Variants in DERA observed in about 807,000 individuals in gnomAD.
The protein encoded by DERA is 2-deoxy-D-ribose 5-phosphate aldolase.
A neutral mutation model predicts 41.1 loss-of-function variants in DERA; 15 were observed. The ratio of observed to expected loss-of-function variants is 0.37; its 90% CI spans 0.24 to 0.56. The LOEUF is 0.56. DERA is among the 20% of genes least tolerant of loss of function. DERA has a pLI of 0.81. For missense variants in DERA, 396 were observed against 403.4 expected (o/e 0.98, Z 0.16); for synonymous variants, 139 against 137.4 (o/e 1.01, Z -0.08).
intron 1 of DERA, among the ~76,000 whole-genome samples, chr12:15,948,324 T>G (rs1325744411): frequency 2.6e-5 from 4 of 152,226 alleles, no homozygotes; most frequent in Non-Finnish European, 4.4e-5. Flanking sequence ...ATTCTCCCCA[T>G]CACTTTCAGG....
rs763100535 is a variant in DERA at position 16,012,018 on chromosome 12, A to G, written c.638-20524A>G. Among the ~76,000 whole-genome samples, 2 of 152,236 alleles carry G rather than the reference A, an allele frequency of 1.3e-5. No homozygotes were observed. The highest frequency in any genetic ancestry group is 6.5e-5 in the Admixed American group (1 of 15,288). Reference sequence around the variant, plus strand: ...GCAATCAAACCAAGAAAAAACACATAAAACATGCATAACTAAGTCAGTGTT... The same window carrying G: ...GCAATCAAACCAAGAAAAAACACATGAAACATGCATAACTAAGTCAGTGTT... On this transcript the variant is annotated intron_variant, in intron 6 of 8. Coordinates refer to ENST00000428559, the MANE Select transcript of DERA (RefSeq NM_015954.4). This position sits in a 1 kb window ranked among gnomAD's most constrained non-coding sequence, Gnocchi z 4.1.
chr12:16,001,763 C>T lies in DERA; in HGVS notation c.637+19327C>T, dbSNP rs983027358. 1.3e-5 allele frequency among the ~76,000 whole-genome samples: 2 copies of T among 152,144 alleles called. No homozygotes were observed. The highest frequency in any genetic ancestry group is 3.9e-4 in the East Asian group (2 of 5,190). ...GTCATGAGTTAGGAGAACACTAAGA[C>T]CGAATGCTCTGTCTCCTGCTTCCCT... On this transcript the variant is annotated intron_variant, in intron 6 of 8. Transcript: ENST00000428559. This position sits in a 1 kb window ranked among gnomAD's most constrained non-coding sequence, Gnocchi z 4.1.
At chr12:16,005,631 T>C (rs1292403023) in intron 6 of DERA, among the ~76,000 whole-genome samples, 1 of 152,168 alleles carries the variant, frequency 6.6e-6, no homozygotes, top group Non-Finnish European at 1.5e-5. Context: ...TGCATGAATA[T>C]ACCCCTGCAA....
At chr12:15,969,959 T>C (rs997408802) in intron 5 of DERA, among the ~76,000 whole-genome samples, 10 of 152,240 alleles carry the variant, frequency 6.6e-5, no homozygotes, top group African/African-American at 2.4e-4. Flanking sequence ...GCTTTTATGA[T>C]TTTCATTTTT....
chr12:16,025,503 T>G (rs1592056296), intron 6 of DERA, among the ~76,000 whole-genome samples: 1 of 152,026 alleles, frequency 6.6e-6, no homozygotes, highest in Admixed American at 6.5e-5. Flanking sequence ...AAGGAAGACA[T>G]AACAATCCTA....
chr12:16,020,605 T>C lies in DERA; in HGVS notation c.638-11937T>C, dbSNP rs1483510811. ...GCTTTGGAACTGGGTAATGGAGAGG[T>C]TGGAAGAGTTTGGAGGGCCCAGAAA... On this transcript the variant is annotated intron_variant, in intron 6 of 8. Coordinates refer to ENST00000428559, the MANE Select transcript of DERA (RefSeq NM_015954.4). The surrounding 1 kb of genome is among the most constrained non-coding windows in gnomAD (Gnocchi z 5.5). 1.3e-5 allele frequency among the ~76,000 whole-genome samples: 2 copies of C among 151,698 alleles called. No homozygotes were observed. The highest frequency in any genetic ancestry group is 2.4e-5 in the African/African-American group (1 of 41,260).
chr12:15,952,422 A>C (rs902608207), intron 1 of DERA, among the ~76,000 whole-genome samples: 4 of 151,932 alleles, frequency 2.6e-5, no homozygotes, highest in African/African-American at 9.7e-5. Context: ...CTGTTTGGAG[A>C]TCTTCTCTGA....
rs140552285 is a variant in DERA, at chr12:15,982,128, G to A, written c.509-180G>A. ...CATGGTAGCAAACTAAGCATTCCTT[G>A]TAACAGGATGTGAACTGCAACAGAA... On this transcript the variant is annotated intron_variant, in intron 5 of 8. Coordinates refer to ENST00000428559, the MANE Select transcript of DERA (RefSeq NM_015954.4). This position sits in a 1 kb window ranked among gnomAD's most constrained non-coding sequence, Gnocchi z 4.0. Among the ~76,000 whole-genome samples the A allele has an allele frequency of 2.6e-3, 400 of 152,320 alleles. 4 individuals are homozygous for A. Among genetic ancestry groups the A allele is most frequent in the African/African-American group, 9.2e-3 (383 of 41,572 alleles).
Position 15,966,153 on chromosome 12 carries a change from C to T in DERA, c.508+3206C>T, listed in dbSNP as rs1370826944. ...ATCCCAGCACTTTGGGAGGCTGAAA[C>T]AGGCACTTTGGGAGGCCTCATCACC... is the stretch of plus-strand genomic sequence containing the variant. On this transcript the variant is annotated intron_variant, in intron 5 of 8. Coordinates refer to ENST00000428559, the MANE Select transcript of DERA (RefSeq NM_015954.4). The surrounding 1 kb of genome is among the most constrained non-coding windows in gnomAD (Gnocchi z 5.1). Among the ~76,000 whole-genome samples the T allele has an allele frequency of 3.3e-5, 5 of 152,082 alleles. No individual in the cohort carries two copies. Among genetic ancestry groups the T allele is most frequent in the African/African-American group, 1.2e-4 (5 of 41,400 alleles).
intron 6 of DERA, among the ~76,000 whole-genome samples, chr12:16,016,476 C>T (rs749168950): frequency 1.5e-4 from 23 of 151,876 alleles, no homozygotes; most frequent in Non-Finnish European, 2.8e-4. Context: ...TTTCCAAATG[C>T]GTTAAAACCC....
chr12:16,036,154 C>A lies in DERA; in HGVS notation c.751-78C>A. The A allele has an allele frequency of 8.0e-7, 1 of 1,247,416 alleles. No homozygotes were observed. The highest frequency in any genetic ancestry group is 1.0e-6 in the Non-Finnish European group (1 of 963,112). The allele number at this position is 1,247,416 out of a possible 1,614,324, so 77.3% of individuals were successfully genotyped here. On this transcript the variant is annotated intron_variant, in intron 7 of 8. Transcript: ENST00000428559. The surrounding 1 kb of genome is among the most constrained non-coding windows in gnomAD (Gnocchi z 4.9). The stretch of plus-strand genomic sequence containing the variant: ...AAAAGAGGGAGAGAGAGAATCAAGA[C>A]TCTGATAAACATAGTACTATTTTTA...
At chr12:15,917,407 A>C (rs890657836) in intron 1 of DERA, among the ~76,000 whole-genome samples, 8 of 152,180 alleles carry the variant, frequency 5.3e-5, no homozygotes, top group African/African-American at 1.7e-4. Context: ...TGTGGGTTTT[A>C]TGTCTGAATC....
rs1229659159 is a variant in DERA at position 15,918,552 on chromosome 12, T to A, written c.31+7138T>A. Among the ~76,000 whole-genome samples, 1 of 152,232 alleles carries A rather than the reference T, an allele frequency of 6.6e-6. No homozygotes were observed. The highest frequency in any genetic ancestry group is 1.5e-5 in the Non-Finnish European group (1 of 68,040). On this transcript the variant is annotated intron_variant, in intron 1 of 8. Coordinates refer to ENST00000428559, the MANE Select transcript of DERA (RefSeq NM_015954.4). The surrounding 1 kb of genome is among the most constrained non-coding windows in gnomAD (Gnocchi z 4.3). ...GAAGGGGAAGGGGGCCAGAATAATT[T>A]GTTTTTTTTAATTTTTAAAATGTAA... is the stretch of plus-strand genomic sequence containing the variant.
At chr12:15,937,517 A>G (rs778204956) in intron 1 of DERA, among the ~76,000 whole-genome samples, 1 of 152,254 alleles carries the variant, frequency 6.6e-6, no homozygotes, top group Non-Finnish European at 1.5e-5. Context: ...CTCCAATACC[A>G]TGTGAATGTC....
chr12:15,944,921 G>A (rs1409205698), intron 1 of DERA, among the ~76,000 whole-genome samples: 2 of 152,176 alleles, frequency 1.3e-5, no homozygotes, highest in African/African-American at 2.4e-5. Context: ...GTGTAAGGAA[G>A]GGATCCAGTT....
At chr12:16,018,481 G>T (rs930470527) in intron 6 of DERA, among the ~76,000 whole-genome samples, 1 of 152,142 alleles carries the variant, frequency 6.6e-6, no homozygotes, top group African/African-American at 2.4e-5. Flanking sequence ...GTAATGAGTT[G>T]CTGAATAGTC....
chr12:15,969,948 T>C (rs900261179), intron 5 of DERA, among the ~76,000 whole-genome samples: 2 of 152,232 alleles, frequency 1.3e-5, no homozygotes, highest in Admixed American at 1.3e-4. Context: ...GACAACTGTA[T>C]GCTTTTATGA....
rs1309257113 is a variant in DERA at position 15,976,126 on chromosome 12, C to T, written c.509-6182C>T. On this transcript the variant is annotated intron_variant, in intron 5 of 8. Transcript: ENST00000428559. The surrounding 1 kb of genome is among the most constrained non-coding windows in gnomAD (Gnocchi z 4.1). ...CAACTTCACACTATAACCTCTATTA[C>T]ACTCCAGCATTGCATGGTTTATTCT... 2.6e-5 allele frequency among the ~76,000 whole-genome samples: 4 copies of T among 152,204 alleles called. No homozygotes were observed. The highest frequency in any genetic ancestry group is 9.7e-5 in the African/African-American group (4 of 41,440).
intron 6 of DERA, among the ~76,000 whole-genome samples, chr12:16,031,700 T>G (rs1471370607): frequency 6.6e-6 from 1 of 152,166 alleles, no homozygotes; most frequent in Non-Finnish European, 1.5e-5. Context: ...TTAGGCTAGA[T>G]TACTTTGGTT....
Sources: allele counts gnomAD v4.1 joint callset (sites outside exome capture counted in the v4.1 genomes callset), GRCh38; gene constraint gnomAD v4.1.1; non-coding constraint Gnocchi (gnomAD v3.1); transcripts MANE v1.5; gene names NCBI Gene and HGNC (gene_info 2026-07-23, HGNC 2026-07-21).